The following CDH4 variants were observed in gnomAD, a reference collection of about 807,000 sequenced individuals.
The protein encoded by CDH4 is cadherin 4, also known as cadherin-4.
In CDH4, 33 loss-of-function variants were observed where a neutral mutation model predicts 86.0. The ratio of observed to expected loss-of-function variants is 0.38; its 90% confidence interval spans 0.29 to 0.51. CDH4 has a LOEUF of 0.51. Ranked by LOEUF, CDH4 falls within the 20% of genes least tolerant of loss-of-function variation. CDH4 has a pLI of 0.86. For missense variants in CDH4, 1,114 were observed against 1,307.4 expected (o/e 0.85, Z 2.28); for synonymous variants, 555 against 549.4 (o/e 1.01, Z -0.14).
intron 2 of CDH4, among the ~76,000 whole-genome samples, chr20:61,497,243 C>G: frequency 6.6e-6 from 1 of 152,052 alleles, no homozygotes; most frequent in East Asian, 1.9e-4. Flanking sequence ...GGAGTCGGGT[C>G]TAACACTTGT....
intron 2 of CDH4, among the ~76,000 whole-genome samples, chr20:61,414,050 T>A (rs2085134024): frequency 6.6e-6 from 1 of 152,182 alleles, no homozygotes; most frequent in Non-Finnish European, 1.5e-5. Context: ...ACTGTCCAAA[T>A]TTCCTCTCCT....
At chr20:61,266,409 C>G (rs981623003) in intron 2 of CDH4, among the ~76,000 whole-genome samples, 1 of 151,980 alleles carries the variant, frequency 6.6e-6, no homozygotes, top group East Asian at 1.9e-4. Flanking sequence ...CCTTGGGTTT[C>G]TGTGTCTGTA....
chr20:61,444,874 T>C (rs1484822174), intron 2 of CDH4, among the ~76,000 whole-genome samples: 1 of 151,500 alleles, frequency 6.6e-6, no homozygotes, highest in Non-Finnish European at 1.5e-5. Context: ...TATGTGTGTT[T>C]CTCTATGTGT....
chr20:61,710,874 G>A (rs920553567), intron 2 of CDH4, among the ~76,000 whole-genome samples: 12 of 152,210 alleles, frequency 7.9e-5, no homozygotes, highest in African/African-American at 1.4e-4. Flanking sequence ...CTCATGAAGC[G>A]CGCCTGCCGG....
chr20:61,861,298 C>T (rs558544512), intron 6 of CDH4, among the ~76,000 whole-genome samples: 60 of 152,338 alleles, frequency 3.9e-4, no homozygotes, highest in Middle Eastern at 3.4e-3. Flanking sequence ...TTCATCCACT[C>T]GGCCAGGTGC....
chr20:61,831,050 G>C (rs1981583070), intron 4 of CDH4, among the ~76,000 whole-genome samples: 1 of 152,150 alleles, frequency 6.6e-6, no homozygotes, highest in South Asian at 2.1e-4. Flanking sequence ...GCCCCTCCTG[G>C]AGGCACTGGC....
chr20:61,468,027 C>G (rs920937224), intron 2 of CDH4, among the ~76,000 whole-genome samples: 1 of 152,202 alleles, frequency 6.6e-6, no homozygotes, highest in African/African-American at 2.4e-5. Flanking sequence ...GTGTTATTCT[C>G]CCAGCACAGG....
chr20:61,274,037 T>TG (rs1269836810), intron 2 of CDH4, among the ~76,000 whole-genome samples: 9 of 130,438 alleles, frequency 6.9e-5, no homozygotes, highest in Admixed American at 8.2e-5. Context: ...GTGTGCAGTT[T>TG]GGGGGAGTAC....
intron 4 of CDH4, among the ~76,000 whole-genome samples, chr20:61,804,814 C>T (rs1478951144): frequency 6.6e-6 from 1 of 152,208 alleles, no homozygotes; most frequent in African/African-American, 2.4e-5. Context: ...CAGGACTCAT[C>T]TGTTGCAAGG....
At chr20:61,867,214 C>T (rs1983589058) in intron 6 of CDH4, among the ~76,000 whole-genome samples, 1 of 152,244 alleles carries the variant, frequency 6.6e-6, no homozygotes, top group Admixed American at 6.5e-5. Flanking sequence ...CTGGCTTTGC[C>T]AGTCCAGGCA....
intron 2 of CDH4, among the ~76,000 whole-genome samples, chr20:61,533,748 G>A (rs915933829): frequency 2.3e-4 from 35 of 152,356 alleles, no homozygotes; most frequent in African/African-American, 5.3e-4. Flanking sequence ...TGAGGGCGTG[G>A]CCATGGGGAG....
intron 2 of CDH4, among the ~76,000 whole-genome samples, chr20:61,354,245 C>G (rs1338573068): frequency 6.6e-6 from 1 of 152,056 alleles, no homozygotes; most frequent in Non-Finnish European, 1.5e-5. Context: ...GCGGAAATGT[C>G]TCCCGGCAGC....
At chr20:61,814,151 T>C (rs912406487) in intron 4 of CDH4, among the ~76,000 whole-genome samples, 1 of 152,224 alleles carries the variant, frequency 6.6e-6, no homozygotes, top group Non-Finnish European at 1.5e-5. Flanking sequence ...GTAACCTGTG[T>C]GTCCTCCATC....
At chr20:61,275,030 C>T (rs1325062335) in intron 2 of CDH4, among the ~76,000 whole-genome samples, 11 of 100,132 alleles carry the variant, frequency 1.1e-4, no homozygotes, top group East Asian at 3.4e-4. Flanking sequence ...TTAGGGAGAG[C>T]ACCATGCACA....
intron 7 of CDH4, among the ~76,000 whole-genome samples, chr20:61,883,008 A>C (rs1438382679): frequency 6.6e-6 from 1 of 152,022 alleles, no homozygotes; most frequent in African/African-American, 2.4e-5. Context: ...CTGTTCAAAC[A>C]CCAATCTGAG....
intron 14 of CDH4, among the ~76,000 whole-genome samples, chr20:61,933,759 C>T (rs896813413): frequency 6.6e-6 from 1 of 152,182 alleles, no homozygotes; most frequent in Non-Finnish European, 1.5e-5. Context: ...CCTGAGCACT[C>T]GGGGCACGTG....
At chr20:61,695,051 C>G (rs887856179) in intron 2 of CDH4, among the ~76,000 whole-genome samples, 1 of 152,188 alleles carries the variant, frequency 6.6e-6, no homozygotes, top group Non-Finnish European at 1.5e-5. Flanking sequence ...ATATGTGCAA[C>G]GTTTTCACTG....
chr20:61,933,135 G>A lies in CDH4; in HGVS notation c.2379+11G>A, dbSNP rs372405998. ...GGCGAGGAGGACCAGGTGAGACTGC[G>A]GCCCGCCCCCGCCTCCCCACGCGAG... On this transcript the variant is annotated intron_variant, in intron 14 of 15. Transcript: ENST00000614565. The A allele has an allele frequency of 1.5e-4, 241 of 1,610,360 alleles. No individual in the cohort carries two copies. The highest frequency in any genetic ancestry group is 1.6e-4 in the Non-Finnish European group (191 of 1,178,198).
intron 2 of CDH4, among the ~76,000 whole-genome samples, chr20:61,615,541 G>A (rs771291081): frequency 1.2e-4 from 19 of 152,158 alleles, no homozygotes; most frequent in Non-Finnish European, 2.5e-4. Flanking sequence ...TTAATATTTT[G>A]TAAAGAAAAA....
Sources: gnomAD v4.1 joint callset for allele counts (sites outside exome capture counted in the v4.1 genomes callset) on GRCh38, gnomAD v4.1.1 for gene constraint, MANE v1.5 for transcripts, NCBI Gene and HGNC (gene_info 2026-07-23, HGNC 2026-07-21) for gene names.